Variants in NKAIN2 observed in about 807,000 individuals in gnomAD.
NKAIN2 encodes the protein sodium/potassium-transporting ATPase subunit beta-1-interacting protein 2.
A neutral mutation model predicts 32.6 loss-of-function variants in NKAIN2; 14 were observed. The observed-to-expected ratio is 0.43, with a 90% CI of 0.28 to 0.67. NKAIN2 has a LOEUF of 0.67. Ranked by LOEUF, NKAIN2 falls within the 30% of genes least tolerant of loss-of-function variation. The pLI is 0.17. For missense variants in NKAIN2, 198 were observed against 258.3 expected (o/e 0.77, Z 1.60); for synonymous variants, 80 against 87.2 (o/e 0.92, Z 0.46).
chr6:124,292,071 G>A (rs1795839552), intron 2 of NKAIN2, among the ~76,000 whole-genome samples: 1 of 152,036 alleles, frequency 6.6e-6, no homozygotes, highest in Admixed American at 6.6e-5. Flanking sequence ...TCATTTAACA[G>A]TTATTTTATA....
chr6:124,712,592 C>G (rs534671590), intron 4 of NKAIN2, among the ~76,000 whole-genome samples: 1 of 145,482 alleles, frequency 6.9e-6, no homozygotes, highest in East Asian at 2.0e-4. Context: ...CAGGTGCGTC[C>G]GTCACCCCTT....
At chr6:124,121,541 G>A (rs1437989975) in intron 1 of NKAIN2, among the ~76,000 whole-genome samples, 1 of 151,916 alleles carries the variant, frequency 6.6e-6, no homozygotes, top group Non-Finnish European at 1.5e-5. Flanking sequence ...AAGAAGATAA[G>A]CATATCAAAC....
intron 1 of NKAIN2, among the ~76,000 whole-genome samples, chr6:124,027,768 A>G (rs1220563178): frequency 1.3e-5 from 2 of 152,068 alleles, no homozygotes; most frequent in Non-Finnish European, 2.9e-5. Context: ...TGTCACCACT[A>G]CCCTGACTCA....
At chr6:124,620,296 C>G (rs543780350) in intron 3 of NKAIN2, among the ~76,000 whole-genome samples, 1 of 152,242 alleles carries the variant, frequency 6.6e-6, no homozygotes, top group South Asian at 2.1e-4. Context: ...TTCTAACATA[C>G]TTGTATTTTT....
At chr6:124,158,948 C>T (rs1310164193) in intron 1 of NKAIN2, among the ~76,000 whole-genome samples, 1 of 152,148 alleles carries the variant, frequency 6.6e-6, no homozygotes, top group East Asian at 1.9e-4. Context: ...TGTTAGACAT[C>T]AGCTTGCTCA....
rs187974008 is a variant in NKAIN2 at position 124,018,843 on chromosome 6, T to G, written c.54+214589T>G. On this transcript the variant is annotated intron_variant, in intron 1 of 6. Transcript: ENST00000368417. ...CAGTTCCAAAGTTGCTTCATATTTT[T>G]GGGTGTTTTTACAGCAGTACCCCTT... Among the ~76,000 whole-genome samples, 314 of 152,284 alleles carry G rather than the reference T, an allele frequency of 2.1e-3. 2 individuals carry two copies. Among genetic ancestry groups the G allele is most frequent in the African/African-American group, 6.7e-3 (278 of 41,548 alleles).
intron 1 of NKAIN2, among the ~76,000 whole-genome samples, chr6:123,949,288 C>A (rs1777216791): frequency 6.6e-6 from 1 of 151,844 alleles, no homozygotes; most frequent in African/African-American, 2.4e-5. Context: ...TATGCAGGGT[C>A]TTTTTGGTTT....
chr6:123,903,583 T>C (rs1192003085), intron 1 of NKAIN2, among the ~76,000 whole-genome samples: 1 of 152,186 alleles, frequency 6.6e-6, no homozygotes, highest in Non-Finnish European at 1.5e-5. Context: ...TTTCTCTCTT[T>C]TCCAAACTTA....
intron 3 of NKAIN2, among the ~76,000 whole-genome samples, chr6:124,611,899 C>T (rs1164238550): frequency 6.6e-6 from 1 of 152,110 alleles, no homozygotes; most frequent in Admixed American, 6.5e-5. Context: ...ACTTTGTTGT[C>T]AGCACCATTT....
At chr6:124,002,893 C>A (rs2114716348) in intron 1 of NKAIN2, among the ~76,000 whole-genome samples, 1 of 152,220 alleles carries the variant, frequency 6.6e-6, no homozygotes, top group Non-Finnish European at 1.5e-5. Context: ...GAGCTTTGAG[C>A]AAAGCTCTGC....
At chr6:124,478,158 C>G (rs577342544) in intron 3 of NKAIN2, among the ~76,000 whole-genome samples, 5 of 152,070 alleles carry the variant, frequency 3.3e-5, no homozygotes, top group Non-Finnish European at 5.9e-5. Context: ...AACTTTTTCT[C>G]TAAGGCCAAA....
At chr6:123,977,886 C>T (rs550007911) in intron 1 of NKAIN2, among the ~76,000 whole-genome samples, 1 of 152,244 alleles carries the variant, frequency 6.6e-6, no homozygotes, top group African/African-American at 2.4e-5. Context: ...TACAAACCCT[C>T]AAATTTTACA....
At chr6:124,630,606 G>GAATTATTTAGACTA (rs1783526452) in intron 3 of NKAIN2, among the ~76,000 whole-genome samples, 1 of 152,000 alleles carries the variant, frequency 6.6e-6, no homozygotes, top group Non-Finnish European at 1.5e-5. Flanking sequence ...ATAATTACCT[G>GAATTATTTAGACTA]AATTATTTAG....
At chr6:124,359,477 A>C (rs924774160) in intron 3 of NKAIN2, among the ~76,000 whole-genome samples, 17 of 152,242 alleles carry the variant, frequency 1.1e-4, no homozygotes, top group African/African-American at 3.6e-4. Flanking sequence ...CTCTTTGAAG[A>C]GGTCCTTCAC....
chr6:124,721,829 G>A (rs190959514), intron 4 of NKAIN2, among the ~76,000 whole-genome samples: 41 of 152,132 alleles, frequency 2.7e-4, no homozygotes, highest in African/African-American at 9.4e-4. Flanking sequence ...AATATACATA[G>A]CATAAAATTT....
intron 4 of NKAIN2, among the ~76,000 whole-genome samples, chr6:124,707,468 G>A (rs1386346346): frequency 2.0e-5 from 3 of 149,562 alleles, no homozygotes; most frequent in Admixed American, 2.0e-4. Context: ...CAGTGTAAAG[G>A]TGTTCCTATT....
chr6:123,893,297 C>T (rs1320714224), intron 1 of NKAIN2, among the ~76,000 whole-genome samples: 5 of 152,142 alleles, frequency 3.3e-5, no homozygotes, highest in African/African-American at 1.2e-4. Context: ...AATTGCTGGA[C>T]TCACATCATC....
intron 3 of NKAIN2, among the ~76,000 whole-genome samples, chr6:124,573,865 A>T (rs1781228690): frequency 6.6e-6 from 1 of 152,208 alleles, no homozygotes; most frequent in Non-Finnish European, 1.5e-5. Context: ...ATTCAGAGTC[A>T]GGCTGCGTGG....
At position 123,886,696 on chromosome 6, in the gene NKAIN2, T is replaced by G. The variant is rs1314977483; in HGVS notation, c.54+82442T>G. Among the ~76,000 whole-genome samples the G allele has an allele frequency of 2.6e-5, 4 of 152,156 alleles. No individual in the cohort carries two copies. In the East Asian group the frequency reaches 7.7e-4, roughly 29 times the overall value. On this transcript the variant is annotated intron_variant, in intron 1 of 6. Coordinates refer to ENST00000368417, the MANE Select transcript of NKAIN2 (RefSeq NM_001040214.3). ...ATAAAGTTAATTTTTGATGGAAATG[T>G]TCACAAAAGTAGCCAATCAATTTAA... is the stretch of plus-strand genomic sequence containing the variant.
Sources: allele counts gnomAD v4.1 joint callset (sites outside exome capture counted in the v4.1 genomes callset), GRCh38; gene constraint gnomAD v4.1.1; transcripts MANE v1.5; gene names NCBI Gene and HGNC (gene_info 2026-07-23, HGNC 2026-07-21).